Variants in MMS22L observed in about 807,000 individuals in gnomAD.
MMS22L encodes MMS22 like, DNA repair protein, also known as protein MMS22-like.
Under a neutral mutation model 159.1 loss-of-function variants are expected in MMS22L, and 74 were observed. That is an observed-to-expected ratio of 0.47 (90% CI 0.39 to 0.56). The LOEUF (loss-of-function observed/expected upper bound fraction) is 0.56. Among genes scored for constraint, MMS22L ranks in the 20% least tolerant of loss-of-function variants. The probability of loss-of-function intolerance (pLI) is 0.00; values close to 1 mark genes in which losing one functional copy is unlikely to be tolerated. For synonymous variants in MMS22L, 517 were observed against 506.9 expected (o/e 1.02, Z -0.27); for missense variants, 1,351 against 1,422.1 (o/e 0.95, Z 0.80).
rs543392718 is a variant in MMS22L, at chr6:97,234,626, A to C, written c.1183-646T>G. On this transcript the variant is annotated intron_variant, in intron 11 of 24. Transcript: ENST00000683635. ...ACGTACTAGGCATAGGACAACAAGTAAGTCAGAGATAGCACATGTACTGGT... is the reference window on the plus strand; with the variant it reads ...ACGTACTAGGCATAGGACAACAAGTCAGTCAGAGATAGCACATGTACTGGT... 5.3e-4 allele frequency among the ~76,000 whole-genome samples: 81 copies of C among 152,342 alleles called. 2 individuals are homozygous for C. Among genetic ancestry groups the C allele is most frequent in the Non-Finnish European group, 1.6e-4 (11 of 68,012 alleles).
At chr6:97,220,479 A>G (rs891854743) in intron 14 of MMS22L, among the ~76,000 whole-genome samples, 2 of 152,190 alleles carry the variant, frequency 1.3e-5, no homozygotes, top group Non-Finnish European at 2.9e-5. Flanking sequence ...GAATAAAGCT[A>G]GCAAACTCTA....
chr6:97,150,190 T>C (rs79316012), intron 23 of MMS22L, among the ~76,000 whole-genome samples, 170 bp from the exon 24 acceptor site: 2 of 152,090 alleles, frequency 1.3e-5, no homozygotes, highest in African/African-American at 4.8e-5. Context: ...AAATAAAGAA[T>C]TGAAGTGGCT....
rs766136662 is a variant in MMS22L at position 97,178,428 on chromosome 6, A to T, written c.2679+15T>A. 1.3e-6 allele frequency: 2 copies of T among 1,515,730 alleles called. No homozygotes were observed. Among genetic ancestry groups the T allele is most frequent in the East Asian group, 4.7e-5 (2 of 42,534 alleles). The allele number at this position is 1,515,730 out of a possible 1,614,324, so 93.9% of individuals were successfully genotyped here. On this transcript the variant is annotated intron_variant, in intron 18 of 24. Transcript: ENST00000683635. ...GTAATTAATCTGGACAATTATACTAATAAATGACAAATACCTCAAAGAATC... is the reference window on the plus strand; with the variant it reads ...GTAATTAATCTGGACAATTATACTATTAAATGACAAATACCTCAAAGAATC...
At chr6:97,177,512 T>C (rs539320070) in intron 18 of MMS22L, among the ~76,000 whole-genome samples, 1 of 152,292 alleles carries the variant, frequency 6.6e-6, no homozygotes, top group South Asian at 2.1e-4. Flanking sequence ...TAATTTGGGC[T>C]AGATGAAAAC....
chr6:97,268,020 ATAGTTTT>A lies in MMS22L; in HGVS notation c.698-25_698-19del. The A allele has an allele frequency of 6.7e-7, 1 of 1,491,850 alleles. No individual in the cohort carries two copies. The highest frequency in any genetic ancestry group is 9.0e-7 in the Non-Finnish European group (1 of 1,115,570). The allele number at this position is 1,491,850 out of a possible 1,614,324, so 92.4% of individuals were successfully genotyped here. A position where few individuals can be genotyped will look rare whatever the true frequency, so the allele number is the denominator to read the frequency against. On this transcript the variant is annotated intron_variant, in intron 7 of 24. Coordinates refer to ENST00000683635, the MANE Select transcript of MMS22L (RefSeq NM_001350599.2). ...AACTTGTTCTGAAAATGTAATAAAA[ATAGTTTT>A]AAAATACAGATTTTACTAAGTCAGA...
At chr6:97,248,823 C>T (rs1812937245) in intron 10 of MMS22L, among the ~76,000 whole-genome samples, 2 of 151,680 alleles carry the variant, frequency 1.3e-5, no homozygotes, top group South Asian at 2.1e-4. Context: ...CGTGCCATTG[C>T]ACTCCAGTCT....
At chr6:97,231,772 C>A (rs904984897) in intron 12 of MMS22L, 120 bp from the exon 13 acceptor site, 2 of 681,694 alleles carry the variant, frequency 2.9e-6, no homozygotes, top group Non-Finnish European at 4.9e-6. Flanking sequence ...ATCACAAAAA[C>A]TACATGAACA....
At chr6:97,207,362 C>T (rs888308452) in intron 14 of MMS22L, among the ~76,000 whole-genome samples, 5 of 152,104 alleles carry the variant, frequency 3.3e-5, no homozygotes, top group African/African-American at 1.2e-4. Context: ...AGTCTCTGGC[C>T]TAATGCTGTG....
chr6:97,226,768 A>G (rs974746795), intron 14 of MMS22L, among the ~76,000 whole-genome samples: 1 of 152,134 alleles, frequency 6.6e-6, no homozygotes, highest in African/African-American at 2.4e-5. Context: ...TTTTATTTCT[A>G]TGGATTAGAA....
chr6:97,278,610 G>A (rs1250505334), intron 4 of MMS22L, among the ~76,000 whole-genome samples: 2 of 152,112 alleles, frequency 1.3e-5, no homozygotes, highest in African/African-American at 2.4e-5. Flanking sequence ...ATTCTCTTCA[G>A]AGAATTTTAG....
chr6:97,271,284 C>T (rs1421563082), intron 6 of MMS22L: 1 of 152,044 alleles, frequency 6.6e-6, no homozygotes, highest in African/African-American at 2.4e-5. Flanking sequence ...GTCTTCTGAG[C>T]TTCAAATAAC....
rs189338458 is a variant in MMS22L at position 97,247,844 on chromosome 6, G to T, written c.1120-1154C>A. 2.0e-5 allele frequency among the ~76,000 whole-genome samples: 3 copies of T among 152,302 alleles called. No homozygotes were observed. The East Asian group carries it at 5.8e-4, about 29-fold the overall frequency. On this transcript the variant is annotated intron_variant, in intron 10 of 24. Transcript: ENST00000683635. ...TAAAGAATATGCTGTTCAGAGGCATGAACTCAAATGATCAATAAAGTGTTA... is the reference window on the plus strand; with the variant it reads ...TAAAGAATATGCTGTTCAGAGGCATTAACTCAAATGATCAATAAAGTGTTA...
chr6:97,215,541 T>C (rs1288682640), intron 14 of MMS22L, among the ~76,000 whole-genome samples: 1 of 152,192 alleles, frequency 6.6e-6, no homozygotes, highest in Admixed American at 6.5e-5. Context: ...GGTCATCCCC[T>C]GCTCACTGAG....
chr6:97,151,802 C>T lies in MMS22L; in HGVS notation c.3451G>A (p.Glu1151Lys). 6.2e-7 allele frequency: 1 copy of T among 1,613,618 alleles called. No homozygotes were observed. Among genetic ancestry groups the T allele is most frequent in the Non-Finnish European group, 8.5e-7 (1 of 1,179,660 alleles). Residue 1151 changes from glutamate (E) to lysine (K), a missense_variant, in exon 23 of 25, where the codon GAA (glutamate) becomes AAA (lysine). Physicochemically the swap from Glu to Lys is moderately conservative, Grantham distance 56. Coordinates refer to ENST00000683635, the MANE Select transcript of MMS22L (RefSeq NM_001350599.2). ...ACAGAAGTCAGCTGGGAGGAAGGTT[C>T]TTCTTCTGACCCCACTTGGCAGGCT... is the stretch of plus-strand genomic sequence containing the variant. ...VKACQVGSEE[E>K]PSSQLTSVFR...
intron 14 of MMS22L, among the ~76,000 whole-genome samples, chr6:97,210,847 A>C (rs927918151): frequency 1.3e-5 from 2 of 151,912 alleles, no homozygotes; most frequent in South Asian, 4.1e-4. Flanking sequence ...AATATATGTA[A>C]TTTCTTATAT....
At chr6:97,232,825 T>C (rs1382488761) in intron 12 of MMS22L, among the ~76,000 whole-genome samples, 1 of 152,118 alleles carries the variant, frequency 6.6e-6, no homozygotes, top group Non-Finnish European at 1.5e-5. Flanking sequence ...CCATTACCAT[T>C]TTCTATTTTG....
In MMS22L at chr6:97,179,488, C is replaced by T. The variant is rs1376328610; in HGVS notation, c.2456G>A (p.Arg819His). Residue 819 changes from arginine (R) to histidine (H), a missense_variant, in exon 17 of 25, where the codon CGT (arginine) becomes CAT (histidine). Coordinates refer to ENST00000683635, the MANE Select transcript of MMS22L (RefSeq NM_001350599.2). ...FQALTVRSWI[R>H]CVLQMYIKNL... is the part of the protein sequence containing the mutation. ...TTTAATATACATTTGCAAAACACAA[C>T]GAATCCATGATCTTACGGTTAAGGC... 8 of 1,613,300 alleles carry T rather than the reference C, an allele frequency of 5.0e-6. No homozygotes were observed. Among genetic ancestry groups the T allele is most frequent in the Admixed American group, 1.7e-5 (1 of 59,966 alleles).
At chr6:97,205,201 C>G (rs192373011) in intron 14 of MMS22L, among the ~76,000 whole-genome samples, 1 of 151,898 alleles carries the variant, frequency 6.6e-6, no homozygotes, top group Non-Finnish European at 1.5e-5. Flanking sequence ...TCTCGGCCTC[C>G]CAAAGTGCTG....
intron 14 of MMS22L, among the ~76,000 whole-genome samples, chr6:97,200,543 T>C (rs1401174408): frequency 6.6e-6 from 1 of 152,108 alleles, no homozygotes; most frequent in Non-Finnish European, 1.5e-5. Flanking sequence ...ATGCTATTTG[T>C]ACATGACAGG....
Sources: allele counts gnomAD v4.1 joint callset (sites outside exome capture counted in the v4.1 genomes callset), GRCh38; gene constraint gnomAD v4.1.1; transcripts MANE v1.5; gene names NCBI Gene and HGNC (gene_info 2026-07-23, HGNC 2026-07-21).